Variants in DNM3 observed in about 807,000 individuals in gnomAD.
The protein encoded by DNM3 is dynamin 3.
DNM3 carries 47 observed loss-of-function variants against 101.6 expected under a neutral mutation model. That is an observed-to-expected ratio of 0.46 (90% confidence interval 0.37 to 0.59). The LOEUF is 0.59. DNM3 is among the 20% of genes least tolerant of loss of function. The pLI is 0.00. For missense variants in DNM3, 849 were observed against 1,085.7 expected, an observed-to-expected ratio of 0.78 and a Z score of 3.06; for synonymous variants, 385 against 387.9, an observed-to-expected ratio of 0.99 and a Z score of 0.09.
At position 172,265,336 on chromosome 1, in the gene DNM3, T is replaced by C. The variant is rs58479172; in HGVS notation, c.1769+11654T>C. Among the ~76,000 whole-genome samples, 1,088 of 152,194 alleles carry C rather than the reference T, an allele frequency of 7.1e-3. 9 individuals are homozygous for C. The highest frequency in any genetic ancestry group is 0.025 in the African/African-American group (1,032 of 41,512). ...CAGATTTTTGAGCCATTTTAAACAG[T>C]GTTTCAGTGCTAAGATTTATAAATG... On this transcript the variant is annotated intron_variant, in intron 15 of 20. Coordinates refer to ENST00000627582, the MANE Select transcript of DNM3 (RefSeq NM_015569.5).
chr1:171,955,033 TTAAAA>T (rs2042765101), intron 2 of DNM3, among the ~76,000 whole-genome samples: 1 of 152,198 alleles, frequency 6.6e-6, no homozygotes, highest in Admixed American at 6.5e-5. Flanking sequence ...GCTCAGCATG[TTAAAA>T]TAAAATTTGA....
chr1:172,333,332 A>AG (rs1177351825), intron 17 of DNM3, among the ~76,000 whole-genome samples: 3 of 152,176 alleles, frequency 2.0e-5, no homozygotes, highest in Non-Finnish European at 2.9e-5. Flanking sequence ...AGTGAGTATA[A>AG]GGCACTTGTA....
intron 14 of DNM3, among the ~76,000 whole-genome samples, chr1:172,212,673 G>C (rs1374230138): frequency 6.6e-6 from 1 of 152,142 alleles, no homozygotes; most frequent in Non-Finnish European, 1.5e-5. Context: ...AGGCAAATAA[G>C]TGTTTCAACT....
At chr1:171,863,105 G>A (rs1320770429) in intron 1 of DNM3, among the ~76,000 whole-genome samples, 1 of 151,226 alleles carries the variant, frequency 6.6e-6, no homozygotes, top group Non-Finnish European at 1.5e-5. Context: ...TTTGATGGGA[G>A]ATATTAGAGC....
intron 1 of DNM3, among the ~76,000 whole-genome samples, chr1:171,873,736 T>C (rs1369441590): frequency 6.6e-6 from 1 of 152,186 alleles, no homozygotes; most frequent in Non-Finnish European, 1.5e-5. Context: ...TACGAAAAAC[T>C]GTACGCTTTT....
At chr1:172,111,985 AT>A (rs1318487323) in intron 13 of DNM3, among the ~76,000 whole-genome samples, 3 of 152,170 alleles carry the variant, frequency 2.0e-5, no homozygotes, top group Non-Finnish European at 4.4e-5. Flanking sequence ...TGCTCTACGT[AT>A]TTATACTTCT....
At chr1:171,888,873 T>C (rs2125162609) in intron 1 of DNM3, among the ~76,000 whole-genome samples, 1 of 152,304 alleles carries the variant, frequency 6.6e-6, no homozygotes, top group East Asian at 1.9e-4. Context: ...TAAAAGTAGA[T>C]TTTAAGAAGC....
intron 10 of DNM3, among the ~76,000 whole-genome samples, chr1:172,056,151 A>G (rs2050595101): frequency 6.6e-6 from 1 of 152,212 alleles, no homozygotes; most frequent in Non-Finnish European, 1.5e-5. Flanking sequence ...AAAAAAGGGC[A>G]CACCACGAGA....
intron 12 of DNM3, among the ~76,000 whole-genome samples, chr1:172,086,957 C>G (rs1184671116): frequency 6.6e-6 from 1 of 152,102 alleles, no homozygotes; most frequent in Non-Finnish European, 1.5e-5. Flanking sequence ...CTCAAAGGGA[C>G]TCTCCATTTC....
At chr1:172,298,962 C>T (rs1159335600) in intron 15 of DNM3, among the ~76,000 whole-genome samples, 1 of 151,788 alleles carries the variant, frequency 6.6e-6, no homozygotes, top group Non-Finnish European at 1.5e-5. Context: ...GTGATGAGTG[C>T]TACAAAGGAA....
intron 12 of DNM3, among the ~76,000 whole-genome samples, chr1:172,087,312 A>AC (rs765172966): frequency 6.6e-6 from 1 of 150,654 alleles, no homozygotes; most frequent in Non-Finnish European, 1.5e-5. Context: ...TCCACCCTAG[A>AC]CCCCCTTCTT....
intron 11 of DNM3, among the ~76,000 whole-genome samples, chr1:172,071,963 T>C (rs139112816): frequency 3.3e-4 from 50 of 152,324 alleles, no homozygotes; most frequent in Admixed American, 7.2e-4. Flanking sequence ...AGACTCCCAG[T>C]TTCCAGGAAT....
chr1:172,373,320 A>C (rs1201225626), intron 17 of DNM3, among the ~76,000 whole-genome samples: 3 of 152,104 alleles, frequency 2.0e-5, no homozygotes, highest in African/African-American at 7.2e-5. Context: ...TAAACTCATT[A>C]ATGTTTACTA....
chr1:171,857,952 T>C (rs886994659), intron 1 of DNM3, among the ~76,000 whole-genome samples: 5 of 152,218 alleles, frequency 3.3e-5, no homozygotes, highest in African/African-American at 1.2e-4. Flanking sequence ...GAAGAGGCCA[T>C]GTGGATACAG....
chr1:172,409,120 A>C lies in DNM3; in HGVS notation c.*1279A>C. Reference sequence around the variant, plus strand: ...CTTGAGGCTAAGTTTTGGACTACCAAGGACCAGATGATTCACATGTAGGAA... The same window carrying C: ...CTTGAGGCTAAGTTTTGGACTACCACGGACCAGATGATTCACATGTAGGAA... On this transcript the variant is annotated 3_prime_UTR_variant, in exon 21 of 21. Transcript: ENST00000627582. The C allele has an allele frequency of 3.0e-6, 3 of 985,390 alleles. No homozygotes were observed. Among genetic ancestry groups the C allele is most frequent in the Non-Finnish European group, 3.6e-6 (3 of 829,904 alleles). 61.0% of individuals were successfully genotyped at this position (985,390 alleles called of 1,614,324 possible).
chr1:171,926,566 G>A (rs1324271694), intron 2 of DNM3, among the ~76,000 whole-genome samples: 3 of 152,122 alleles, frequency 2.0e-5, no homozygotes, highest in South Asian at 2.1e-4. Context: ...AGTTCTTTTC[G>A]ACTGATATTT....
chr1:172,363,360 C>T (rs963584999), intron 17 of DNM3, among the ~76,000 whole-genome samples: 3 of 151,832 alleles, frequency 2.0e-5, no homozygotes, highest in African/African-American at 4.8e-5. Context: ...CCATAAAAAC[C>T]GATTTCTCTG....
chr1:172,264,498 T>C (rs572804149), intron 15 of DNM3, among the ~76,000 whole-genome samples: 16 of 152,348 alleles, frequency 1.1e-4, no homozygotes, highest in African/African-American at 3.6e-4. Flanking sequence ...TATAAGAAAA[T>C]AAGTGTTCTC....
At chr1:171,927,973 G>A (rs561051053) in intron 2 of DNM3, among the ~76,000 whole-genome samples, 4 of 152,300 alleles carry the variant, frequency 2.6e-5, no homozygotes, top group Non-Finnish European at 5.9e-5. Context: ...GCATGTGGGT[G>A]TTCCTTTAAC....
Sources: allele counts gnomAD v4.1 joint callset (sites outside exome capture counted in the v4.1 genomes callset), GRCh38; gene constraint gnomAD v4.1.1; transcripts MANE v1.5; gene names NCBI Gene and HGNC (gene_info 2026-07-23, HGNC 2026-07-21).